The following CLSTN2 variants were observed in gnomAD, a reference collection of about 807,000 sequenced individuals.
CLSTN2 encodes the protein calsyntenin-2.
CLSTN2 carries 48 observed loss-of-function variants against 101.2 expected under a neutral mutation model. That is an observed-to-expected ratio of 0.47 (90% CI 0.38 to 0.60). The LOEUF is 0.60. Among genes scored for constraint, CLSTN2 ranks in the 20% least tolerant of loss-of-function variants. CLSTN2 has a pLI of 0.00. For synonymous variants in CLSTN2, 481 were observed against 463.6 expected (o/e 1.04, Z -0.48); for missense variants, 1,160 against 1,238.2 (o/e 0.94, Z 0.95).
chr3:139,972,082 G>A (rs756837779), intron 1 of CLSTN2, among the ~76,000 whole-genome samples: 1 of 152,066 alleles, frequency 6.6e-6, no homozygotes, highest in Non-Finnish European at 1.5e-5. Flanking sequence ...TGGCTAACAC[G>A]GTGAGACCCC....
chr3:140,098,204 C>T (rs1274739918), intron 1 of CLSTN2, among the ~76,000 whole-genome samples: 1 of 152,174 alleles, frequency 6.6e-6, no homozygotes, highest in Non-Finnish European at 1.5e-5. Context: ...CAGTAAGTAT[C>T]ACAACTCAGG....
intron 6 of CLSTN2, chr3:140,454,762 T>C (rs887074059): frequency 6.6e-6 from 1 of 152,244 alleles, no homozygotes; most frequent in Non-Finnish European, 1.5e-5. Context: ...TCCTGGTAGA[T>C]GGAAAAGATG....
chr3:139,944,466 T>C (rs960392443), intron 1 of CLSTN2, among the ~76,000 whole-genome samples: 1 of 152,240 alleles, frequency 6.6e-6, no homozygotes, highest in Non-Finnish European at 1.5e-5. Flanking sequence ...CAGCAAACTC[T>C]ACTGCTTCTG....
chr3:140,330,713 CA>C (rs1314195171), intron 2 of CLSTN2, among the ~76,000 whole-genome samples: 1 of 152,146 alleles, frequency 6.6e-6, no homozygotes, highest in Non-Finnish European at 1.5e-5. Flanking sequence ...TGAGGCCTGA[CA>C]AAAAAGCCAA....
At chr3:140,402,790 C>G (rs964318839) in intron 2 of CLSTN2, among the ~76,000 whole-genome samples, 2 of 152,192 alleles carry the variant, frequency 1.3e-5, no homozygotes, top group African/African-American at 2.4e-5. Flanking sequence ...GAGGCCCAGA[C>G]AGTCAATATC....
intron 1 of CLSTN2, among the ~76,000 whole-genome samples, chr3:140,091,226 T>C (rs1347695025): frequency 6.6e-6 from 1 of 152,146 alleles, no homozygotes; most frequent in African/African-American, 2.4e-5. Context: ...CCCAACAGCA[T>C]GAGGCAGACC....
chr3:140,370,235 G>A (rs1263392500), intron 2 of CLSTN2, among the ~76,000 whole-genome samples: 1 of 152,178 alleles, frequency 6.6e-6, no homozygotes. Flanking sequence ...ATATGTCAAA[G>A]CACCCCCCAT....
At chr3:140,119,050 G>A (rs1260160302) in intron 1 of CLSTN2, among the ~76,000 whole-genome samples, 1 of 152,136 alleles carries the variant, frequency 6.6e-6, no homozygotes, top group Non-Finnish European at 1.5e-5. Flanking sequence ...AGAGAGAGAG[G>A]AATTAGCTCC....
intron 1 of CLSTN2, among the ~76,000 whole-genome samples, chr3:140,141,420 G>A (rs1295421453): frequency 6.6e-6 from 1 of 152,242 alleles, no homozygotes; most frequent in East Asian, 1.9e-4. Context: ...GCACAGGCAG[G>A]AGTGACAGAG....
At chr3:140,062,134 G>A (rs763640096) in intron 1 of CLSTN2, among the ~76,000 whole-genome samples, 30 of 152,094 alleles carry the variant, frequency 2.0e-4, no homozygotes, top group Non-Finnish European at 4.1e-4. Context: ...GGAAGGCCAG[G>A]AGAGTGGTGG....
chr3:139,987,066 A>C (rs1201946447), intron 1 of CLSTN2, among the ~76,000 whole-genome samples: 1 of 152,194 alleles, frequency 6.6e-6, no homozygotes, highest in East Asian at 1.9e-4. Flanking sequence ...CAATCCTAAG[A>C]ATACAAGTCA....
chr3:140,248,953 G>T (rs1177365705), intron 2 of CLSTN2, among the ~76,000 whole-genome samples: 1 of 152,126 alleles, frequency 6.6e-6, no homozygotes, highest in Non-Finnish European at 1.5e-5. Context: ...ATTTCTGGGG[G>T]ATCTCTTAGC....
At chr3:140,549,585 C>T (rs1402050782) in intron 10 of CLSTN2, among the ~76,000 whole-genome samples, 1 of 150,540 alleles carries the variant, frequency 6.6e-6, no homozygotes. Context: ...TACTATGACC[C>T]CATTTCAAAA....
chr3:140,342,556 T>C (rs1379274770), intron 2 of CLSTN2, among the ~76,000 whole-genome samples: 2 of 152,156 alleles, frequency 1.3e-5, no homozygotes, highest in Non-Finnish European at 2.9e-5. Flanking sequence ...CCCCCTCTCA[T>C]GTTCCTATTC....
At chr3:140,388,439 G>A (rs2088077433) in intron 2 of CLSTN2, among the ~76,000 whole-genome samples, 2 of 152,192 alleles carry the variant, frequency 1.3e-5, no homozygotes, top group African/African-American at 4.8e-5. Flanking sequence ...ACAAACATCA[G>A]CAGTTATTTT....
chr3:140,280,531 C>A (rs2086835586), intron 2 of CLSTN2, among the ~76,000 whole-genome samples: 1 of 152,146 alleles, frequency 6.6e-6, no homozygotes, highest in South Asian at 2.1e-4. Context: ...AATTGGGAAG[C>A]AGCTCCCATG....
intron 1 of CLSTN2, among the ~76,000 whole-genome samples, chr3:139,967,366 G>A (rs9859388): frequency 0.14 from 20,556 of 152,122 alleles, 1,507 homozygotes; most frequent in African/African-American, 0.17. Flanking sequence ...AACTGGCTGC[G>A]CTTCTATCAT....
intron 2 of CLSTN2, among the ~76,000 whole-genome samples, chr3:140,287,489 G>A (rs1024931679): frequency 1.3e-4 from 19 of 151,986 alleles, no homozygotes; most frequent in Admixed American, 1.2e-3. Context: ...GCCAAAATTG[G>A]TCAAAAATGT....
rs773549692 is a variant in CLSTN2 at position 139,976,550 on chromosome 3, C to G, written c.109+41067C>G. ...CCACTCAGCTAGTAAGTGGTAGAGCCAGGATTCAAATGGAATCTGCCTGAG... is the reference window on the plus strand; with the variant it reads ...CCACTCAGCTAGTAAGTGGTAGAGCGAGGATTCAAATGGAATCTGCCTGAG... On this transcript the variant is annotated intron_variant, in intron 1 of 16. Transcript: ENST00000458420. Among the ~76,000 whole-genome samples, 9 of 152,292 alleles carry G rather than the reference C, an allele frequency of 5.9e-5. No homozygotes were observed. In the South Asian group the frequency reaches 1.7e-3, roughly 28 times the overall value.
Sources: allele counts gnomAD v4.1 joint callset (sites outside exome capture counted in the v4.1 genomes callset), GRCh38; gene constraint gnomAD v4.1.1; transcripts MANE v1.5; gene names NCBI Gene and HGNC (gene_info 2026-07-23, HGNC 2026-07-21).